The following HK2 variants were observed in gnomAD, a reference collection of about 807,000 sequenced individuals.
The protein encoded by HK2 is hexokinase-2.
A neutral mutation model predicts 92.9 loss-of-function variants in HK2; 42 were observed. The observed-to-expected ratio is 0.45, with a 90% confidence interval of 0.35 to 0.58. The LOEUF is 0.58. Among genes scored for constraint, HK2 ranks in the 20% least tolerant of loss-of-function variants. The pLI is 0.00. For synonymous variants in HK2, 422 were observed against 468.0 expected (o/e 0.90, Z 1.27); for missense variants, 978 against 1,245.1 (o/e 0.79, Z 3.23).
intron 3 of HK2, among the ~76,000 whole-genome samples, chr2:74,868,657 G>A (rs2103941161): frequency 1.3e-5 from 2 of 152,186 alleles, no homozygotes; most frequent in South Asian, 4.2e-4. Context: ...CCCTGTTGTG[G>A]GGGATGTGGT....
At chr2:74,838,123 A>G (rs931714129) in intron 1 of HK2, among the ~76,000 whole-genome samples, 31 of 152,076 alleles carry the variant, frequency 2.0e-4, no homozygotes, top group African/African-American at 7.5e-4. Flanking sequence ...ACCTTGCATG[A>G]CATTTGTTTC....
rs759978953 is a variant in HK2 at position 74,893,288 on chromosome 2, C to T, written c.*2347C>T. 6.6e-6 allele frequency: 1 copy of T among 152,148 alleles called. No homozygotes were observed. The highest frequency in any genetic ancestry group is 1.5e-5 in the Non-Finnish European group (1 of 68,032). 9.4% of individuals were successfully genotyped at this position (152,148 alleles called of 1,614,324 possible). A position where few individuals can be genotyped will look rare whatever the true frequency, so the allele number is the denominator to read the frequency against. On this transcript the variant is annotated 3_prime_UTR_variant, in exon 18 of 18. Transcript: ENST00000290573. Reference sequence around the variant, plus strand: ...GAAGATGTTGTCATTATGTACAATACATAACTAGTTTAATTAACTATGTGA... The same window carrying T: ...GAAGATGTTGTCATTATGTACAATATATAACTAGTTTAATTAACTATGTGA...
intron 17 of HK2, among the ~76,000 whole-genome samples, 179 bp from the exon 18 acceptor site, chr2:74,890,618 G>T (rs1689653162): frequency 6.6e-6 from 1 of 152,150 alleles, no homozygotes; most frequent in African/African-American, 2.4e-5. Context: ...CCAAGCCACG[G>T]TTTTCTGGTA....
chr2:74,849,411 T>C (rs1297429376), intron 1 of HK2, among the ~76,000 whole-genome samples: 3 of 152,232 alleles, frequency 2.0e-5, no homozygotes, highest in Non-Finnish European at 4.4e-5. Flanking sequence ...TAACACGCCC[T>C]CGCTTCCTGG....
Position 74,834,688 on chromosome 2 carries a change from G to C in HK2, c.63+45G>C. 1 of 1,593,158 alleles carries C rather than the reference G, an allele frequency of 6.3e-7. No individual in the cohort carries two copies. Among genetic ancestry groups the C allele is most frequent in the African/African-American group, 1.3e-5 (1 of 74,602 alleles). Reference sequence around the variant, plus strand: ...GCGGCAGGCTGGGCTCTGGCAAAGTGGTCTGGCCTCCATCAGTCTCTTCCT... The same window carrying C: ...GCGGCAGGCTGGGCTCTGGCAAAGTCGTCTGGCCTCCATCAGTCTCTTCCT... On this transcript the variant is annotated intron_variant, in intron 1 of 17. Coordinates refer to ENST00000290573, the MANE Select transcript of HK2 (RefSeq NM_000189.5). The surrounding 1 kb of genome is among the most constrained non-coding windows in gnomAD (Gnocchi z 4.2).
intron 3 of HK2, among the ~76,000 whole-genome samples, chr2:74,869,859 A>G (rs544403713): frequency 2.0e-5 from 3 of 152,196 alleles, no homozygotes; most frequent in Non-Finnish European, 4.4e-5. Context: ...AGCCCTAGCC[A>G]GTGGAACTTC....
chr2:74,862,189 T>G (rs1688847504), intron 2 of HK2, among the ~76,000 whole-genome samples: 1 of 152,226 alleles, frequency 6.6e-6, no homozygotes, highest in Non-Finnish European at 1.5e-5. Flanking sequence ...GCAATAGATT[T>G]GGAGCAATTA....
At chr2:74,862,674 T>A (rs4853065) in intron 2 of HK2, among the ~76,000 whole-genome samples, 3 of 152,002 alleles carry the variant, frequency 2.0e-5, no homozygotes, top group African/African-American at 7.3e-5. Context: ...TTAATTGGGG[T>A]ACTTACGTAG....
intron 8 of HK2, among the ~76,000 whole-genome samples, chr2:74,878,196 TC>T (rs1689280007): frequency 6.6e-6 from 1 of 152,082 alleles, no homozygotes; most frequent in African/African-American, 2.4e-5. Context: ...TGCAATAGAC[TC>T]CTACTGCTTT....
At chr2:74,858,298 C>T (rs188891704) in intron 2 of HK2, among the ~76,000 whole-genome samples, 10 of 152,230 alleles carry the variant, frequency 6.6e-5, no homozygotes, top group African/African-American at 2.2e-4. Context: ...GATCCTTGGC[C>T]CAGTTTGATT....
In HK2 at chr2:74,891,047, G is replaced by C. The variant is rs574279461; in HGVS notation, c.*106G>C. On this transcript the variant is annotated 3_prime_UTR_variant, in exon 18 of 18. Transcript: ENST00000290573. ...GAGACAGACCCCTTGGCTTTTGCTTGGCAGAGAGGACCCCACTGGACTGGG... is the reference window on the plus strand; with the variant it reads ...GAGACAGACCCCTTGGCTTTTGCTTCGCAGAGAGGACCCCACTGGACTGGG... 7.3e-7 allele frequency: 1 copy of C among 1,361,778 alleles called. No homozygotes were observed. The highest frequency in any genetic ancestry group is 1.4e-5 in the African/African-American group (1 of 69,708). 84.4% of individuals were successfully genotyped at this position (1,361,778 alleles called of 1,614,324 possible).
chr2:74,862,436 C>T (rs73951450), intron 2 of HK2, among the ~76,000 whole-genome samples: 27 of 152,324 alleles, frequency 1.8e-4, no homozygotes, highest in African/African-American at 6.3e-4. Flanking sequence ...CTGCCTCGTG[C>T]CCTTTAAAGA....
intron 7 of HK2, among the ~76,000 whole-genome samples, chr2:74,876,262 A>T (rs1211386682): frequency 6.6e-6 from 1 of 152,120 alleles, no homozygotes; most frequent in African/African-American, 2.4e-5. Flanking sequence ...TAACCTTGGA[A>T]TCCCTTCCAC....
At chr2:74,870,554 C>CTTTT (rs60629948) in intron 3 of HK2, among the ~76,000 whole-genome samples, 2 of 123,204 alleles carry the variant, frequency 1.6e-5, no homozygotes, top group Non-Finnish European at 3.4e-5. Context: ...CTGCATCTCC[C>CTTTT]TTTTTTTTTT....
chr2:74,878,126 C>T (rs1323528964), intron 8 of HK2, among the ~76,000 whole-genome samples: 4 of 152,196 alleles, frequency 2.6e-5, no homozygotes, highest in Non-Finnish European at 4.4e-5. Flanking sequence ...GGTTATAGCA[C>T]TAGCCCCTTA....
intron 1 of HK2, among the ~76,000 whole-genome samples, chr2:74,840,382 A>G (rs941234812): frequency 6.6e-6 from 1 of 151,870 alleles, no homozygotes; most frequent in South Asian, 2.1e-4. Context: ...ACAGTTGGCA[A>G]TGGGAGTAAG....
At chr2:74,863,035 C>T (rs1291647252) in intron 2 of HK2, among the ~76,000 whole-genome samples, 1 of 152,226 alleles carries the variant, frequency 6.6e-6, no homozygotes, top group Admixed American at 6.5e-5. Flanking sequence ...TCAGAGCTTA[C>T]ACAATATTGA....
intron 1 of HK2, among the ~76,000 whole-genome samples, chr2:74,847,880 G>A (rs1573358112): frequency 6.6e-6 from 1 of 152,224 alleles, no homozygotes. Flanking sequence ...TGAATGGCTA[G>A]GGAAGCATTA....
chr2:74,879,005 A>G, intron 9 of HK2, 84 bp downstream of exon 9: 5 of 1,182,078 alleles, frequency 4.2e-6, no homozygotes, highest in East Asian at 2.5e-5. Context: ...TCCATTTTGC[A>G]TTTCAGGGGT....
Sources: allele counts gnomAD v4.1 joint callset (sites outside exome capture counted in the v4.1 genomes callset), GRCh38; gene constraint gnomAD v4.1.1; non-coding constraint Gnocchi (gnomAD v3.1); transcripts MANE v1.5; gene names NCBI Gene and HGNC (gene_info 2026-07-23, HGNC 2026-07-21).